Variants in SPACA7 observed in about 807,000 individuals in gnomAD.
SPACA7 encodes the protein sperm acrosome associated 7.
A neutral mutation model predicts 26.3 loss-of-function variants in SPACA7; 19 were observed. The observed-to-expected ratio is 0.72, with a 90% CI of 0.50 to 1.06. SPACA7 has a LOEUF of 1.06. SPACA7 is among the 50% of genes least tolerant of loss of function. The pLI, the probability that SPACA7 is intolerant of heterozygous loss-of-function variation, is 0.00. For synonymous variants in SPACA7, 84 were observed against 84.5 expected (o/e 0.99, Z 0.04); for missense variants, 211 against 229.9 (o/e 0.92, Z 0.53).
At chr13:112,400,699 A>G (rs2138958279) in intron 4 of SPACA7, among the ~76,000 whole-genome samples, 1 of 152,242 alleles carries the variant, frequency 6.6e-6, no homozygotes, top group East Asian at 1.9e-4. Context: ...TTCCTACCCC[A>G]GTTCTGCAGT....
At chr13:112,392,827 C>T (rs1884980507) in intron 1 of SPACA7, among the ~76,000 whole-genome samples, 194 bp from the exon 2 acceptor site, 1 of 152,308 alleles carries the variant, frequency 6.6e-6, no homozygotes, top group South Asian at 2.1e-4. Context: ...CCGCATTTTC[C>T]AGACAAGAAA....
chr13:112,429,961 G>A (rs1876905313), intron 5 of SPACA7, among the ~76,000 whole-genome samples: 1 of 152,160 alleles, frequency 6.6e-6, no homozygotes, highest in South Asian at 2.1e-4. Flanking sequence ...CTGAAGCAAT[G>A]TAATTCTGTG....
chr13:112,431,252 C>T (rs183220529), intron 5 of SPACA7, among the ~76,000 whole-genome samples: 32 of 152,342 alleles, frequency 2.1e-4, no homozygotes, highest in African/African-American at 7.0e-4. Context: ...TGCAGATCCA[C>T]GTTCCTCTTA....
chr13:112,433,632 C>T (rs1272629158), intron 6 of SPACA7, among the ~76,000 whole-genome samples: 1 of 149,732 alleles, frequency 6.7e-6, no homozygotes, highest in East Asian at 1.9e-4. Context: ...CTGGAGACGA[C>T]CTCCCTGCTG....
At chr13:112,377,797 T>C (rs1454214479) in intron 1 of SPACA7, among the ~76,000 whole-genome samples, 1 of 152,220 alleles carries the variant, frequency 6.6e-6, no homozygotes, top group African/African-American at 2.4e-5. Flanking sequence ...ACAAGATAAG[T>C]CCATGTTTCA....
intron 5 of SPACA7, among the ~76,000 whole-genome samples, chr13:112,430,014 T>A (rs1320132472): frequency 6.6e-6 from 1 of 152,204 alleles, no homozygotes; most frequent in Non-Finnish European, 1.5e-5. Context: ...TAAAATGTTT[T>A]CTGACAGGAA....
At chr13:112,409,762 T>C (rs1299131967) in intron 5 of SPACA7, among the ~76,000 whole-genome samples, 1 of 152,230 alleles carries the variant, frequency 6.6e-6, no homozygotes, top group Non-Finnish European at 1.5e-5. Flanking sequence ...TTTTACACTG[T>C]TGTTGGGACT....
At chr13:112,386,940 A>G (rs186939308) in intron 1 of SPACA7, among the ~76,000 whole-genome samples, 11 of 152,360 alleles carry the variant, frequency 7.2e-5, no homozygotes, top group Admixed American at 3.9e-4. Flanking sequence ...GTTCAGAGAA[A>G]GGAAAATTCA....
intron 1 of SPACA7, among the ~76,000 whole-genome samples, chr13:112,386,455 C>T (rs1043191895): frequency 3.3e-5 from 5 of 152,060 alleles, no homozygotes; most frequent in African/African-American, 1.2e-4. Flanking sequence ...ACTTTTAATT[C>T]CTGGGGTTTC....
At chr13:112,420,260 C>T (rs1176464748) in intron 5 of SPACA7, among the ~76,000 whole-genome samples, 3 of 151,990 alleles carry the variant, frequency 2.0e-5, no homozygotes, top group South Asian at 2.1e-4. Context: ...GAACCAGACA[C>T]AGAGATGTCC....
intron 2 of SPACA7, 37 bp downstream of exon 2, chr13:112,393,114 G>A (rs373716023): frequency 2.2e-4 from 338 of 1,556,888 alleles, no homozygotes; most frequent in Non-Finnish European, 2.5e-4. Flanking sequence ...TGGCCTGTAC[G>A]TGAAGAGGGC....
chr13:112,430,615 C>G (rs1877017193), intron 5 of SPACA7, among the ~76,000 whole-genome samples: 1 of 152,100 alleles, frequency 6.6e-6, no homozygotes, highest in Admixed American at 6.6e-5. Context: ...GGGTGATGGC[C>G]CCTGGGTTCT....
chr13:112,388,093 C>T (rs1308999459), intron 1 of SPACA7, among the ~76,000 whole-genome samples: 1 of 152,206 alleles, frequency 6.6e-6, no homozygotes, highest in Non-Finnish European at 1.5e-5. Flanking sequence ...GCCTGCTGGA[C>T]TTCCATCAGC....
Position 112,384,579 on chromosome 13 carries a change from T to A in SPACA7, c.94+8100T>A, listed in dbSNP as rs539687514. Among the ~76,000 whole-genome samples the A allele has an allele frequency of 2.0e-4, 31 of 152,282 alleles. No individual in the cohort carries two copies. The South Asian group carries it at 6.4e-3, about 32-fold the overall frequency. ...AATTTATAATTTGATTTTGGAACGT[T>A]TGTCAAATAGCAAAGGTTTAAAACA... On this transcript the variant is annotated intron_variant, in intron 1 of 6. Coordinates refer to ENST00000283550, the MANE Select transcript of SPACA7 (RefSeq NM_145248.5).
At chr13:112,378,076 G>A (rs184269536) in intron 1 of SPACA7, among the ~76,000 whole-genome samples, 9 of 152,228 alleles carry the variant, frequency 5.9e-5, no homozygotes, top group African/African-American at 9.6e-5. Flanking sequence ...GGGGCAGAGC[G>A]TGGATGTGTC....
chr13:112,410,305 T>G (rs1298989310), intron 5 of SPACA7, among the ~76,000 whole-genome samples: 1 of 151,872 alleles, frequency 6.6e-6, no homozygotes, highest in Admixed American at 6.6e-5. Context: ...ACATGATGCA[T>G]GTGTACATAT....
chr13:112,434,275 G>A (rs1186800751), intron 6 of SPACA7, among the ~76,000 whole-genome samples: 2 of 152,186 alleles, frequency 1.3e-5, no homozygotes, highest in Non-Finnish European at 2.9e-5. Flanking sequence ...ACTGGACAGG[G>A]TGGCCCCGCA....
rs778539035 is a variant in SPACA7 at position 112,391,287 on chromosome 13, A to C, written c.95-1734A>C. On this transcript the variant is annotated intron_variant, in intron 1 of 6. Coordinates refer to ENST00000283550, the MANE Select transcript of SPACA7 (RefSeq NM_145248.5). ...TCTAAATCACTTTCTCACGAGGAAC[A>C]TTGGGTTTCCTTACTCTCCTTGGTC... Among the ~76,000 whole-genome samples the C allele has an allele frequency of 3.9e-5, 6 of 152,220 alleles. No homozygotes were observed. In the East Asian group the frequency reaches 1.2e-3, roughly 29 times the overall value.
At chr13:112,395,471 T>C (rs1027245604) in intron 2 of SPACA7, among the ~76,000 whole-genome samples, 3 of 151,980 alleles carry the variant, frequency 2.0e-5, no homozygotes, top group African/African-American at 7.3e-5. Flanking sequence ...TCTGTTTCTG[T>C]TTTTTGTTTT....
Sources: allele counts gnomAD v4.1 joint callset (sites outside exome capture counted in the v4.1 genomes callset), GRCh38; gene constraint gnomAD v4.1.1; transcripts MANE v1.5; gene names NCBI Gene and HGNC (gene_info 2026-07-23, HGNC 2026-07-21).